ZNF892: variants seen among roughly 807,000 people sequenced by gnomAD.
ZNF892 encodes the protein zinc finger protein 570-like.
the ZNF892 span, among the ~76,000 whole-genome samples, chr2:95,241,738 C>A: frequency 6.6e-6 from 1 of 151,980 alleles, no homozygotes; most frequent in Non-Finnish European, 1.5e-5. Context: ...TGCAAAGAAG[C>A]TAAAAATCAT....
the ZNF892 span, among the ~76,000 whole-genome samples, chr2:95,253,709 C>T: frequency 6.6e-6 from 1 of 152,168 alleles, no homozygotes; most frequent in East Asian, 1.9e-4. Context: ...ATTCTTCCTG[C>T]CCATGAACAT....
At chr2:95,233,361 G>A in the ZNF892 span, among the ~76,000 whole-genome samples, 1 of 151,366 alleles carries the variant, frequency 6.6e-6, no homozygotes, top group Non-Finnish European at 1.5e-5. Flanking sequence ...CACTAGACCT[G>A]GCTATTTTTT....
At chr2:95,232,220 G>A in the ZNF892 span, 2 of 152,292 alleles carry the variant, frequency 1.3e-5, no homozygotes, top group East Asian at 3.9e-4. Flanking sequence ...TTACCGGGGG[G>A]CCCTGGGCTT....
At chr2:95,218,889 C>T in the ZNF892 span, among the ~76,000 whole-genome samples, 1 of 152,218 alleles carries the variant, frequency 6.6e-6, no homozygotes, top group Non-Finnish European at 1.5e-5. Context: ...ATTACTTCCT[C>T]AGAACCTATC....
chr2:95,219,429 T>C, the ZNF892 span, among the ~76,000 whole-genome samples: 2 of 152,224 alleles, frequency 1.3e-5, no homozygotes, highest in African/African-American at 4.8e-5. Flanking sequence ...TTTGATTCTT[T>C]GTTCTGTTTC....
the ZNF892 span, among the ~76,000 whole-genome samples, chr2:95,219,035 C>G: frequency 6.6e-6 from 1 of 152,102 alleles, no homozygotes; most frequent in African/African-American, 2.4e-5. Context: ...GAGTCTCGCT[C>G]TTGTCCAGGC....
the ZNF892 span, among the ~76,000 whole-genome samples, chr2:95,246,357 C>T: frequency 1.3e-5 from 2 of 152,142 alleles, no homozygotes; most frequent in Admixed American, 1.3e-4. Flanking sequence ...ATTGAAGGAA[C>T]ATACCCCAAA....
the ZNF892 span, among the ~76,000 whole-genome samples, chr2:95,228,726 T>C: frequency 3.2e-4 from 48 of 152,340 alleles, no homozygotes; most frequent in African/African-American, 8.2e-4. Context: ...GGCATTCTCA[T>C]GAAAAGAGGA....
the ZNF892 span, among the ~76,000 whole-genome samples, chr2:95,247,186 A>G: frequency 6.6e-6 from 1 of 152,116 alleles, no homozygotes; most frequent in Non-Finnish European, 1.5e-5. Flanking sequence ...CAGAATAGAG[A>G]ACCCAGACAT....
chr2:95,255,125 T>G, the ZNF892 span, among the ~76,000 whole-genome samples: 1 of 152,190 alleles, frequency 6.6e-6, no homozygotes, highest in Non-Finnish European at 1.5e-5. Context: ...TGCTAGCTTT[T>G]GAATGTGTTT....
At chr2:95,228,429 T>A in the ZNF892 span, among the ~76,000 whole-genome samples, 3 of 152,166 alleles carry the variant, frequency 2.0e-5, no homozygotes, top group Non-Finnish European at 2.9e-5. Context: ...ACCCTGTTTT[T>A]AAAAAAATTT....
At chr2:95,237,413 G>T in the ZNF892 span, among the ~76,000 whole-genome samples, 18 of 152,054 alleles carry the variant, frequency 1.2e-4, no homozygotes, top group Admixed American at 1.2e-3. Context: ...AGCTGTTTGG[G>T]AGCACCATGA....
the ZNF892 span, chr2:95,215,405 C>A: frequency 2.3e-6 from 1 of 440,110 alleles, no homozygotes; most frequent in South Asian, 8.6e-5. Flanking sequence ...TCAGCCAGAG[C>A]TCATCTCTTA....
At chr2:95,220,623 G>A in the ZNF892 span, among the ~76,000 whole-genome samples, 1 of 152,298 alleles carries the variant, frequency 6.6e-6, no homozygotes, top group East Asian at 1.9e-4. Context: ...CCTGGTGCTT[G>A]ACACTGAAAT....
At chr2:95,240,817 G>T in the ZNF892 span, among the ~76,000 whole-genome samples, 1 of 152,126 alleles carries the variant, frequency 6.6e-6, no homozygotes, top group African/African-American at 2.4e-5. Context: ...CAACTCAGCC[G>T]TTCCAGCCTG....
the ZNF892 span, among the ~76,000 whole-genome samples, chr2:95,239,910 A>G: frequency 0.79 from 120,833 of 152,154 alleles, 48,331 homozygotes; most frequent in African/African-American, 0.87. Flanking sequence ...GATTACGGGT[A>G]TGAGCCACTG....
the ZNF892 span, among the ~76,000 whole-genome samples, chr2:95,253,618 A>T: frequency 6.6e-6 from 1 of 152,212 alleles, no homozygotes. Flanking sequence ...CAATTCTGTG[A>T]AAAAAGTCAT....
the ZNF892 span, among the ~76,000 whole-genome samples, chr2:95,225,987 T>G: frequency 6.6e-6 from 1 of 152,216 alleles, no homozygotes; most frequent in Non-Finnish European, 1.5e-5. Context: ...GGTTGAAATC[T>G]TGTTCCTGCA....
chr2:95,207,948 A>G, the ZNF892 span: 2 of 397,582 alleles, frequency 5.0e-6, no homozygotes, highest in Non-Finnish European at 8.9e-6. Context: ...GCCCCTTCCT[A>G]CTAGCCGGTC....
Sources: allele counts gnomAD v4.1 joint callset (sites outside exome capture counted in the v4.1 genomes callset), GRCh38; gene constraint gnomAD v4.1.1; transcripts MANE v1.5; gene names NCBI Gene and HGNC (gene_info 2026-07-23, HGNC 2026-07-21).